DCAF4: variants seen among roughly 807,000 people sequenced by gnomAD.
DCAF4 encodes the protein DDB1 and CUL4 associated factor 4, also known as DDB1- and CUL4-associated factor 4.
In DCAF4, 37 loss-of-function variants were observed where a neutral mutation model predicts 60.9. The observed-to-expected ratio is 0.61, with a 90% CI of 0.47 to 0.80. DCAF4 has a LOEUF of 0.80. DCAF4 is among the 30% of genes least tolerant of loss of function. The pLI is 0.00. For missense variants in DCAF4, 577 were observed against 650.0 expected, an observed-to-expected ratio of 0.89 and a Z score of 1.22; for synonymous variants, 243 against 254.8, an observed-to-expected ratio of 0.95 and a Z score of 0.44.
intron 1 of DCAF4, among the ~76,000 whole-genome samples, chr14:72,933,649 C>T (rs1344961867): frequency 6.6e-6 from 1 of 152,082 alleles, no homozygotes; most frequent in East Asian, 1.9e-4. Context: ...ATCCTGTTTA[C>T]TTTCAAATCT....
At chr14:72,952,992 C>CTTTTTTTTTTTTTTTTT (rs34917327) in intron 9 of DCAF4, among the ~76,000 whole-genome samples, 1 of 41,604 alleles carries the variant, frequency 2.4e-5, no homozygotes. Context: ...AATGCCCGGC[C>CTTTTTTTTTTTTTTTTT]TTTTTTTTTT....
intron 1 of DCAF4, among the ~76,000 whole-genome samples, chr14:72,929,306 G>T (rs1394462110): frequency 6.6e-6 from 1 of 152,234 alleles, no homozygotes; most frequent in Non-Finnish European, 1.5e-5. Context: ...GACTGTGAGA[G>T]AGAGCCGACC....
chr14:72,941,995 G>T, intron 5 of DCAF4, 171 bp downstream of exon 5: 1 of 633,346 alleles, frequency 1.6e-6, no homozygotes, highest in Non-Finnish European at 2.7e-6. Context: ...AACCCACCCT[G>T]AGAAAGCTGT....
chr14:72,930,234 G>A (rs1307824630), intron 1 of DCAF4, among the ~76,000 whole-genome samples: 2 of 146,798 alleles, frequency 1.4e-5, no homozygotes, highest in African/African-American at 2.5e-5. Flanking sequence ...TTGGCTATTT[G>A]TGTAGCTTTT....
chr14:72,933,004 G>A (rs1284093924), intron 1 of DCAF4, among the ~76,000 whole-genome samples: 1 of 152,140 alleles, frequency 6.6e-6, no homozygotes, highest in Non-Finnish European at 1.5e-5. Context: ...TTCCCGAGCA[G>A]CTGGGATTAT....
In DCAF4 at chr14:72,955,914, CTTTTTTTTTTTTTT is replaced by C. The variant is rs71109770; in HGVS notation, c.1179+231_1179+244del. Among the ~76,000 whole-genome samples the C allele has an allele frequency of 1.5e-4, 8 of 54,770 alleles. 1 individual carries two copies. The highest frequency in any genetic ancestry group is 8.3e-4 in the Admixed American group (3 of 3,608). The allele number at this position is 54,770 out of a possible 152,430, so 35.9% of individuals were successfully genotyped here. On this transcript the variant is annotated intron_variant, in intron 12 of 13. Transcript: ENST00000358377. ...GTGAAAAGGATTCTCTGGTTATGTC[CTTTTTTTTTTTTTT>C]TTTTTTTTTTTTGAGATGGAGTCTT...
intron 1 of DCAF4, among the ~76,000 whole-genome samples, chr14:72,931,494 T>C (rs1055086419): frequency 6.6e-6 from 1 of 152,184 alleles, no homozygotes; most frequent in African/African-American, 2.4e-5. Flanking sequence ...ATTTTCTGTA[T>C]ATAAGATCAT....
chr14:72,942,925 C>T (rs1890236460), intron 5 of DCAF4, 69 bp from the exon 6 acceptor site: 1 of 1,467,398 alleles, frequency 6.8e-7, no homozygotes, highest in Non-Finnish European at 9.4e-7. Flanking sequence ...CAGGGAAGGC[C>T]AGAGACCCCC....
At chr14:72,928,306 G>C (rs562061807) in intron 1 of DCAF4, among the ~76,000 whole-genome samples, 2 of 148,730 alleles carry the variant, frequency 1.3e-5, no homozygotes, top group South Asian at 4.2e-4. Flanking sequence ...GGATTCTCCT[G>C]CTTCAGCCTC....
intron 1 of DCAF4, among the ~76,000 whole-genome samples, chr14:72,936,954 T>A (rs955741511): frequency 4.6e-5 from 7 of 152,212 alleles, no homozygotes; most frequent in Admixed American, 6.5e-5. Context: ...GTGCCACATG[T>A]TGCAGGAATA....
At chr14:72,957,444 G>A (rs552320003) in intron 13 of DCAF4, 1 of 152,208 alleles carries the variant, frequency 6.6e-6, no homozygotes, top group Non-Finnish European at 1.5e-5. Context: ...TTCAAGAATT[G>A]TCACCTCTAC....
intron 1 of DCAF4, among the ~76,000 whole-genome samples, chr14:72,927,867 TG>T (rs1887837414): frequency 1.3e-5 from 2 of 152,206 alleles, no homozygotes; most frequent in African/African-American, 4.8e-5. Flanking sequence ...AAAATTTTGT[TG>T]TTTTTTAAGT....
intron 8 of DCAF4, 136 bp downstream of exon 8, chr14:72,947,327 GA>G (rs1567315574): frequency 1.3e-5 from 13 of 1,033,708 alleles, no homozygotes; most frequent in East Asian, 7.2e-5. Context: ...TCACGCTTTA[GA>G]AAAAAAAGCA....
chr14:72,929,501 AGC>A, intron 1 of DCAF4: 1 of 672,158 alleles, frequency 1.5e-6, no homozygotes, highest in Non-Finnish European at 2.6e-6. Flanking sequence ...ATTCGAGACC[AGC>A]CTGGGCGGCA....
intron 11 of DCAF4, 111 bp from the exon 12 acceptor site, chr14:72,955,412 A>C: frequency 7.6e-7 from 1 of 1,311,038 alleles, no homozygotes; most frequent in South Asian, 1.4e-5. Context: ...GTGTCTAATC[A>C]CACCGTCTGA....
Position 72,958,957 on chromosome 14 carries a change from G to A in DCAF4, c.*152G>A, listed in dbSNP as rs980054105. On this transcript the variant is annotated 3_prime_UTR_variant, in exon 14 of 14. Transcript: ENST00000358377. ...AGGAGAGAAGTGCTGAATGTTCCGTGTGGAGATGCTCAGGAAAGTTATTTG... is the reference window on the plus strand; with the variant it reads ...AGGAGAGAAGTGCTGAATGTTCCGTATGGAGATGCTCAGGAAAGTTATTTG... 16 of 1,335,168 alleles carry A rather than the reference G, an allele frequency of 1.2e-5. No homozygotes were observed. Among genetic ancestry groups the A allele is most frequent in the Middle Eastern group, 5.5e-4 (2 of 3,656 alleles). The allele number at this position is 1,335,168 out of a possible 1,614,324, so 82.7% of individuals were successfully genotyped here.
intron 6 of DCAF4, among the ~76,000 whole-genome samples, chr14:72,944,546 A>AT (rs1890473438): frequency 6.6e-6 from 1 of 152,168 alleles, no homozygotes; most frequent in South Asian, 2.1e-4. Flanking sequence ...TAATCCCAGC[A>AT]TTTTGGGAGG....
At chr14:72,956,948 C>G (rs1403927328) in intron 13 of DCAF4, 1 of 209,470 alleles carries the variant, frequency 4.8e-6, no homozygotes, top group African/African-American at 2.4e-5. Flanking sequence ...CGCGGTGGCT[C>G]ACGCCCGTAA....
intron 9 of DCAF4, among the ~76,000 whole-genome samples, chr14:72,953,732 A>ATATATATATATATATAT (rs1200407934): frequency 4.6e-5 from 1 of 21,778 alleles, no homozygotes; most frequent in African/African-American, 2.3e-4. Context: ...AAAAAAAAAA[A>ATATATATATATATATAT]ATATATATAT....
Sources: gnomAD v4.1 joint callset for allele counts (sites outside exome capture counted in the v4.1 genomes callset) on GRCh38, gnomAD v4.1.1 for gene constraint, MANE v1.5 for transcripts, NCBI Gene and HGNC (gene_info 2026-07-23, HGNC 2026-07-21) for gene names.